USH2A: variants seen among roughly 807,000 people sequenced by gnomAD.
USH2A encodes the protein usherin.
In USH2A, 443 loss-of-function variants were observed where a neutral mutation model predicts 538.9. The ratio of observed to expected loss-of-function variants is 0.82; its 90% CI spans 0.76 to 0.89. The LOEUF is 0.89. Ranked by LOEUF, USH2A falls within the 40% of genes least tolerant of loss-of-function variation. The pLI is 0.00. For missense variants in USH2A, 6,633 were observed against 6,324.8 expected, an observed-to-expected ratio of 1.05 and a Z score of -1.65; for synonymous variants, 2,413 against 2,273.5, an observed-to-expected ratio of 1.06 and a Z score of -1.75.
intron 37 of USH2A, among the ~76,000 whole-genome samples, chr1:215,957,229 A>G (rs1667089874): frequency 6.6e-6 from 1 of 152,154 alleles, no homozygotes; most frequent in South Asian, 2.1e-4. Flanking sequence ...TTTGACCATA[A>G]GAACATTCTC....
chr1:216,248,138 G>T (rs189051928), intron 12 of USH2A, among the ~76,000 whole-genome samples: 3 of 152,076 alleles, frequency 2.0e-5, no homozygotes, highest in Non-Finnish European at 4.4e-5. Flanking sequence ...TTGTCATCTT[G>T]TGTGACTCAG....
intron 15 of USH2A, among the ~76,000 whole-genome samples, chr1:216,213,054 C>T (rs2035275132): frequency 6.6e-6 from 1 of 152,028 alleles, no homozygotes; most frequent in Non-Finnish European, 1.5e-5. Context: ...CCTGGAAACA[C>T]AGAAAACAGA....
In USH2A at chr1:215,752,211, T is replaced by C. The variant is rs185421586; in HGVS notation, c.11389+6384A>G. On this transcript the variant is annotated intron_variant, in intron 58 of 71. Coordinates refer to ENST00000307340, the MANE Select transcript of USH2A (RefSeq NM_206933.4). The stretch of plus-strand genomic sequence containing the variant: ...AATGGCAGGATATCCACAATTTACA[T>C]TTGACTGCATAATAAATTGTGGAGG... Among the ~76,000 whole-genome samples the C allele has an allele frequency of 7.9e-5, 12 of 152,288 alleles. No homozygotes were observed. The East Asian group carries it at 2.3e-3, about 29-fold the overall frequency.
At chr1:215,720,711 C>CA (rs150360855) in intron 61 of USH2A, among the ~76,000 whole-genome samples, 2,125 of 151,492 alleles carry the variant, frequency 0.014, 46 homozygotes, top group African/African-American at 0.049. Flanking sequence ...CCCCCAGAGG[C>CA]AAAAAAAGGT....
intron 27 of USH2A, among the ~76,000 whole-genome samples, chr1:216,077,688 T>C (rs913180606): frequency 6.7e-6 from 1 of 149,442 alleles, no homozygotes; most frequent in African/African-American, 2.4e-5. Context: ...TTTTTCCATA[T>C]AAATATCATC....
chr1:216,393,138 T>C (rs1308678332), intron 3 of USH2A, among the ~76,000 whole-genome samples: 1 of 152,218 alleles, frequency 6.6e-6, no homozygotes, highest in African/African-American at 2.4e-5. Context: ...TTTTCACATG[T>C]ATTATCAGAA....
Position 215,782,745 on chromosome 1 carries a change from T to C in USH2A, c.10578A>G (p.Gln3526=). 1 of 1,613,558 alleles carries C rather than the reference T, an allele frequency of 6.2e-7. No individual in the cohort carries two copies. Among genetic ancestry groups the C allele is most frequent in the Non-Finnish European group, 8.5e-7 (1 of 1,179,778 alleles). Residue 3526 remains glutamine, a synonymous_variant, in exon 53 of 72, where the codon CAA becomes CAG. Coordinates refer to ENST00000307340, the MANE Select transcript of USH2A (RefSeq NM_206933.4). ...TIVLNWRKPI[Q]SNGPIIYYIL... is the part of the protein sequence containing the mutation. ...TTAAAGGTATCTCAATACCATTTGATTGTATAGGTTTTCTCCAGTTTAAGA... is the reference window on the plus strand; with the variant it reads ...TTAAAGGTATCTCAATACCATTTGACTGTATAGGTTTTCTCCAGTTTAAGA...
intron 21 of USH2A, among the ~76,000 whole-genome samples, chr1:216,151,870 ATTCTTAG>A (rs894304147): frequency 1.3e-5 from 2 of 152,174 alleles, no homozygotes; most frequent in African/African-American, 4.8e-5. Context: ...GGTCCTCCCA[ATTCTTAG>A]TCCTTTAATA....
At chr1:216,305,042 G>A (rs1341198751) in intron 9 of USH2A, among the ~76,000 whole-genome samples, 1 of 151,984 alleles carries the variant, frequency 6.6e-6, no homozygotes, top group African/African-American at 2.4e-5. Flanking sequence ...TTTGTTCTAA[G>A]TCATAGTTTA....
At chr1:215,754,960 G>T (rs1227549471) in intron 58 of USH2A, among the ~76,000 whole-genome samples, 1 of 152,086 alleles carries the variant, frequency 6.6e-6, no homozygotes, top group Non-Finnish European at 1.5e-5. Flanking sequence ...CTGTCACGTG[G>T]CTGTTTTCCC....
At chr1:215,830,376 G>A (rs1162827135) in intron 47 of USH2A, among the ~76,000 whole-genome samples, 2 of 152,170 alleles carry the variant, frequency 1.3e-5, no homozygotes, top group Non-Finnish European at 2.9e-5. Context: ...GCCCCAACGG[G>A]GGGAAAAATC....
chr1:215,701,066 C>G (rs1334262384), intron 61 of USH2A, among the ~76,000 whole-genome samples: 3 of 152,128 alleles, frequency 2.0e-5, no homozygotes, highest in Non-Finnish European at 4.4e-5. Flanking sequence ...TCATTCTACA[C>G]CCAGTAGTCA....
chr1:216,121,674 C>T (rs968113121), intron 21 of USH2A, among the ~76,000 whole-genome samples: 9 of 152,144 alleles, frequency 5.9e-5, no homozygotes, highest in African/African-American at 2.2e-4. Context: ...AGCCAGAGCT[C>T]TTCATGATTA....
intron 14 of USH2A, among the ~76,000 whole-genome samples, chr1:216,223,571 G>A (rs2035501890): frequency 6.6e-6 from 1 of 152,172 alleles, no homozygotes; most frequent in Non-Finnish European, 1.5e-5. Flanking sequence ...CGGGCCTCAA[G>A]TGTCTTTGCA....
At chr1:215,774,298 A>T (rs952398942) in intron 55 of USH2A, among the ~76,000 whole-genome samples, 3 of 151,776 alleles carry the variant, frequency 2.0e-5, no homozygotes, top group African/African-American at 7.3e-5. Context: ...CCTCTCTCCA[A>T]TATCTTCCTG....
intron 21 of USH2A, among the ~76,000 whole-genome samples, chr1:216,124,796 C>A (rs575637928): frequency 6.6e-6 from 1 of 152,270 alleles, no homozygotes; most frequent in African/African-American, 2.4e-5. Context: ...GTGACCTTCT[C>A]CTGAAGGGAC....
chr1:215,929,045 A>C (rs1478583958), intron 38 of USH2A, among the ~76,000 whole-genome samples: 1 of 152,150 alleles, frequency 6.6e-6, no homozygotes, highest in Non-Finnish European at 1.5e-5. Context: ...AAAAGTTTGA[A>C]TTCCAAGATG....
rs139813684 is a variant in USH2A at position 216,258,856 on chromosome 1, A to G, written c.1972-7758T>C. 3.0e-3 allele frequency among the ~76,000 whole-genome samples: 455 copies of G among 152,228 alleles called. 2 individuals are homozygous for G. The highest frequency in any genetic ancestry group is 0.011 in the African/African-American group (441 of 41,568). ...GACATTTGGACCTGACAAAACAACT[A>G]TAAACTCAATTTAAGAGAAAACTAG... On this transcript the variant is annotated intron_variant, in intron 11 of 71. Transcript: ENST00000307340.
At chr1:215,813,398 G>A (rs1662758539) in intron 49 of USH2A, among the ~76,000 whole-genome samples, 1 of 152,030 alleles carries the variant, frequency 6.6e-6, no homozygotes, top group Admixed American at 6.6e-5. Context: ...TTCATGGGGT[G>A]GAACAGTCAG....
Sources: gnomAD v4.1 joint callset for allele counts (sites outside exome capture counted in the v4.1 genomes callset) on GRCh38, gnomAD v4.1.1 for gene constraint, MANE v1.5 for transcripts, NCBI Gene and HGNC (gene_info 2026-07-23, HGNC 2026-07-21) for gene names.